GXYLT1: variants seen among roughly 807,000 people sequenced by gnomAD.
GXYLT1 encodes the protein glycosyltransferase 8 domain containing 3.
In GXYLT1, 29 loss-of-function variants were observed where a neutral mutation model predicts 54.0. That is an observed-to-expected ratio of 0.54 (90% confidence interval 0.40 to 0.73). The LOEUF is 0.73. Among genes scored for constraint, GXYLT1 ranks in the 30% least tolerant of loss-of-function variants. The pLI, the probability that GXYLT1 is intolerant of heterozygous loss-of-function variation, is 0.00. For missense variants in GXYLT1, 490 were observed against 553.4 expected (o/e 0.89, Z 1.15); for synonymous variants, 176 against 204.1 (o/e 0.86, Z 1.17).
At position 42,110,071 on chromosome 12, in the gene GXYLT1, C is replaced by T. The variant is rs559177098; in HGVS notation, c.487-380G>A. Among the ~76,000 whole-genome samples, 8 of 152,174 alleles carry T rather than the reference C, an allele frequency of 5.3e-5. No homozygotes were observed. In the South Asian group the frequency reaches 1.2e-3, roughly 24 times the overall value. ...ACTAATATTATTACCACCATATATACGATATGAAAGATGCTTACATTCAAA... is the reference window on the plus strand; with the variant it reads ...ACTAATATTATTACCACCATATATATGATATGAAAGATGCTTACATTCAAA... On this transcript the variant is annotated intron_variant, in intron 3 of 7. Coordinates refer to ENST00000398675, the MANE Select transcript of GXYLT1 (RefSeq NM_173601.2).
At chr12:42,099,277 G>A (rs1332461836) in intron 5 of GXYLT1, among the ~76,000 whole-genome samples, 3 of 152,132 alleles carry the variant, frequency 2.0e-5, no homozygotes, top group Non-Finnish European at 4.4e-5. Context: ...ACCATACTAC[G>A]CTACTTGAGA....
At chr12:42,089,593 T>G in intron 7 of GXYLT1, among the ~76,000 whole-genome samples, 1 of 152,148 alleles carries the variant, frequency 6.6e-6, no homozygotes, top group East Asian at 1.9e-4. Context: ...GAGAGAGGAT[T>G]TTCTCAGTTA....
intron 2 of GXYLT1, among the ~76,000 whole-genome samples, chr12:42,126,195 TC>T (rs944430711): frequency 1.8e-4 from 27 of 151,910 alleles, no homozygotes; most frequent in African/African-American, 6.5e-4. Flanking sequence ...TGCCTCAGTC[TC>T]CCAAGTAGCT....
intron 3 of GXYLT1, among the ~76,000 whole-genome samples, chr12:42,115,532 T>C (rs1270565200): frequency 1.3e-5 from 2 of 152,248 alleles, no homozygotes; most frequent in East Asian, 3.9e-4. Context: ...CATTCACAAT[T>C]GCTTCAAAGA....
chr12:42,144,504 C>G lies in GXYLT1; in HGVS notation c.143G>C (p.Trp48Ser). 3 of 1,411,582 alleles carry G rather than the reference C, an allele frequency of 2.1e-6. No homozygotes were observed. Among genetic ancestry groups the G allele is most frequent in the Non-Finnish European group, 2.8e-6 (3 of 1,080,308 alleles). 87.4% of individuals were successfully genotyped at this position (1,411,582 alleles called of 1,614,324 possible). A position where few individuals can be genotyped will look rare whatever the true frequency, so the allele number is the denominator to read the frequency against. The change falls in exon 1 of 8, where the codon TGG (tryptophan) becomes TCG (serine). Residue 48 changes from tryptophan to serine, a missense_variant. This residue lies in a region of GXYLT1 where 148 missense variants were observed against 210.7 expected (regional missense o/e 0.70). Coordinates refer to ENST00000398675, the MANE Select transcript of GXYLT1 (RefSeq NM_173601.2). ...GGKPQAAVAS[W>S]LAGGGRGAVR... The stretch of plus-strand genomic sequence containing the variant: ...GGCGCCGCGTCCGCCGCCCGCGAGC[C>G]AGGAAGCCACCGCGGCCTGCGGCTT...
intron 5 of GXYLT1, 45 bp downstream of exon 5, chr12:42,105,773 A>C: frequency 5.4e-6 from 8 of 1,487,718 alleles, no homozygotes; most frequent in Non-Finnish European, 7.3e-6. Flanking sequence ...ACAATTTAGA[A>C]GGTTTTTAGA....
At chr12:42,096,441 T>G (rs769805608) in intron 7 of GXYLT1, among the ~76,000 whole-genome samples, 1 of 152,148 alleles carries the variant, frequency 6.6e-6, no homozygotes, top group Non-Finnish European at 1.5e-5. Context: ...TGGCCATACC[T>G]GGAACAACTT....
chr12:42,111,479 T>C (rs2065455510), intron 3 of GXYLT1, among the ~76,000 whole-genome samples: 1 of 152,184 alleles, frequency 6.6e-6, no homozygotes, highest in South Asian at 2.1e-4. Context: ...ACCAGGAGAT[T>C]ATATCCCTCA....
chr12:42,089,456 T>C (rs1169969472), intron 7 of GXYLT1, among the ~76,000 whole-genome samples: 2 of 152,158 alleles, frequency 1.3e-5, no homozygotes, highest in Non-Finnish European at 2.9e-5. Context: ...CTGCACGTTG[T>C]GCATATGTAC....
chr12:42,118,931 AC>A, intron 3 of GXYLT1, 68 bp downstream of exon 3: 1 of 1,173,598 alleles, frequency 8.5e-7, no homozygotes, highest in Non-Finnish European at 1.2e-6. Flanking sequence ...GACTATTACA[AC>A]AACATTCTAT....
intron 3 of GXYLT1, among the ~76,000 whole-genome samples, chr12:42,115,363 A>C (rs1565574477): frequency 6.6e-6 from 1 of 152,216 alleles, no homozygotes; most frequent in Non-Finnish European, 1.5e-5. Context: ...AGATGACATG[A>C]TTGTATATCT....
chr12:42,140,283 G>C (rs11181344), intron 1 of GXYLT1, among the ~76,000 whole-genome samples: 25,895 of 148,712 alleles, frequency 0.17, 2,326 homozygotes, highest in Admixed American at 0.23. Flanking sequence ...TAACAAGCTG[G>C]AGCACATATC....
At chr12:42,129,152 G>C (rs1262187855) in intron 2 of GXYLT1, among the ~76,000 whole-genome samples, 1 of 152,062 alleles carries the variant, frequency 6.6e-6, no homozygotes, top group Non-Finnish European at 1.5e-5. Context: ...TTTCATTCTA[G>C]ATTAGAGCAG....
intron 3 of GXYLT1, among the ~76,000 whole-genome samples, chr12:42,111,760 T>C (rs1364600196): frequency 6.6e-6 from 1 of 152,194 alleles, no homozygotes; most frequent in East Asian, 1.9e-4. Flanking sequence ...GACTTAAATG[T>C]CCCTCTCTGA....
intron 1 of GXYLT1, among the ~76,000 whole-genome samples, chr12:42,136,195 T>C (rs925075657): frequency 1.3e-5 from 2 of 152,200 alleles, no homozygotes; most frequent in Non-Finnish European, 2.9e-5. Flanking sequence ...AGTGGCTTAT[T>C]AGAAGCAATA....
chr12:42,129,731 A>C, intron 2 of GXYLT1, 28 bp downstream of exon 2: 1 of 1,411,314 alleles, frequency 7.1e-7, no homozygotes, highest in South Asian at 1.1e-5. Context: ...ATCTACACTG[A>C]TCTACCAATT....
intron 7 of GXYLT1, among the ~76,000 whole-genome samples, chr12:42,090,164 ATTAG>A (rs1308422944): frequency 6.9e-6 from 1 of 145,130 alleles, no homozygotes; most frequent in Non-Finnish European, 1.5e-5. Context: ...ACAGTGTCTC[ATTAG>A]TTAGACCTCT....
chr12:42,117,006 T>C (rs1375254854), intron 3 of GXYLT1, among the ~76,000 whole-genome samples: 1 of 151,554 alleles, frequency 6.6e-6, no homozygotes, highest in Non-Finnish European at 1.5e-5. Context: ...GAAACCATCA[T>C]TCTCAGCAAA....
chr12:42,109,427 T>C lies in GXYLT1; in HGVS notation c.612+139A>G, dbSNP rs1166087461. On this transcript the variant is annotated intron_variant, in intron 4 of 7. Transcript: ENST00000398675. Reference sequence around the variant, plus strand: ...TATTTTTTCATGTTCAAAAGGAAGATAGTACATGCATTGATTTCTATTTAC... The same window carrying C: ...TATTTTTTCATGTTCAAAAGGAAGACAGTACATGCATTGATTTCTATTTAC... 5.1e-5 allele frequency: 27 copies of C among 525,220 alleles called. No individual in the cohort carries two copies. In the East Asian group the frequency reaches 7.7e-4, roughly 15 times the overall value. 32.5% of individuals were successfully genotyped at this position (525,220 alleles called of 1,614,324 possible).
Sources: allele counts gnomAD v4.1 joint callset (sites outside exome capture counted in the v4.1 genomes callset), GRCh38; gene constraint gnomAD v4.1.1; regional missense constraint gnomAD v4.1.1; transcripts MANE v1.5; gene names NCBI Gene and HGNC (gene_info 2026-07-23, HGNC 2026-07-21).